Variants in REPS2 observed in about 807,000 individuals in gnomAD.
The protein encoded by REPS2 is RALBP1 associated Eps domain containing 2.
In REPS2, 23 loss-of-function variants were observed where a neutral mutation model predicts 53.6. The observed-to-expected ratio is 0.43, with a 90% confidence interval of 0.31 to 0.61. The LOEUF (loss-of-function observed/expected upper bound fraction) is 0.61, where lower values mean the gene tolerates loss of function less well. REPS2 is among the 20% of genes least tolerant of loss of function. The probability of loss-of-function intolerance (pLI) is 0.11; values close to 1 mark genes in which losing one functional copy is unlikely to be tolerated. For missense variants in REPS2, 446 were observed against 534.9 expected, an observed-to-expected ratio of 0.83 and a Z score of 1.64; for synonymous variants, 238 against 218.6, an observed-to-expected ratio of 1.09 and a Z score of -0.78.
At chrX:17,187,585 C>T in the REPS2 span, among the ~76,000 whole-genome samples, 2 of 112,225 alleles carry the variant, frequency 1.8e-5, no homozygotes, top group Non-Finnish European at 3.8e-5. Flanking sequence ...TGGACAGGCT[C>T]CAGAAATTAC....
At chrX:17,050,749 T>G (rs2061991114) in intron 6 of REPS2, among the ~76,000 whole-genome samples, 1 of 111,733 alleles carries the variant, frequency 8.9e-6, no homozygotes, top group Non-Finnish European at 1.9e-5. Flanking sequence ...GTGTATATAT[T>G]TATGGGGTAT....
intron 14 of REPS2, among the ~76,000 whole-genome samples, chrX:17,124,271 A>G (rs1603085484): frequency 8.9e-6 from 1 of 112,362 alleles, no homozygotes; most frequent in Admixed American, 9.4e-5. Context: ...TATTCCACAC[A>G]TTGATTAGAG....
chrX:17,159,793 C>T, the REPS2 span, among the ~76,000 whole-genome samples: 1 of 111,680 alleles, frequency 9.0e-6, no homozygotes, highest in Non-Finnish European at 1.9e-5. Flanking sequence ...CCTGTCCCAC[C>T]ACCAGCCCAC....
At position 16,954,050 on chromosome X, in the gene REPS2, C is replaced by G. The variant is rs976743825; in HGVS notation, c.273+6916C>G. The stretch of plus-strand genomic sequence containing the variant: ...CTCACTGTACCCTCAACCTCCTGGG[C>G]TCAAGCAATCTTCCTGCCTCAGGCT... On this transcript the variant is annotated intron_variant, in intron 1 of 17. Coordinates refer to ENST00000357277, the MANE Select transcript of REPS2 (RefSeq NM_004726.3). 2.7e-5 allele frequency among the ~76,000 whole-genome samples: 3 copies of G among 111,147 alleles called. No homozygotes were observed. In the Admixed American group the frequency reaches 2.9e-4, roughly 11 times the overall value.
chrX:16,977,643 G>T (rs2060971942), intron 1 of REPS2, among the ~76,000 whole-genome samples: 1 of 107,813 alleles, frequency 9.3e-6, no homozygotes, highest in African/African-American at 3.4e-5. Flanking sequence ...TTGAGCTTAG[G>T]CGATTGAGGC....
chrX:17,050,197 T>TCTTTCTTTCTTTCTTC (rs773752476), intron 6 of REPS2, among the ~76,000 whole-genome samples: 9 of 46,157 alleles, frequency 1.9e-4, no homozygotes, highest in Non-Finnish European at 3.0e-4. Flanking sequence ...TTTCTTTCTT[T>TCTTTCTTTCTTTCTTC]TTTTTTTTTT....
chrX:16,950,970 C>G (rs765061573), intron 1 of REPS2, among the ~76,000 whole-genome samples: 4 of 112,216 alleles, frequency 3.6e-5, no homozygotes, highest in Admixed American at 1.9e-4. Context: ...TGCTTGAGCC[C>G]AGGAGTTCAA....
chrX:17,065,696 C>T (rs759506498), intron 9 of REPS2, among the ~76,000 whole-genome samples: 2 of 111,734 alleles, frequency 1.8e-5, no homozygotes, highest in African/African-American at 6.5e-5. Flanking sequence ...AAGCAATTCT[C>T]CTGCCTCAGC....
chrX:17,013,815 C>T (rs1387642007), intron 2 of REPS2, among the ~76,000 whole-genome samples: 2 of 111,274 alleles, frequency 1.8e-5, no homozygotes, highest in African/African-American at 6.6e-5. Flanking sequence ...CCTTTACCCC[C>T]TCTCCCAGCC....
At chrX:17,160,395 T>C in the REPS2 span, among the ~76,000 whole-genome samples, 1 of 112,514 alleles carries the variant, frequency 8.9e-6, no homozygotes, top group Non-Finnish European at 1.9e-5. Context: ...AGGGGGTATT[T>C]AGAAAGCTTA....
chrX:16,982,427 C>G (rs574072011), intron 1 of REPS2, among the ~76,000 whole-genome samples: 1 of 112,099 alleles, frequency 8.9e-6, no homozygotes, highest in Admixed American at 9.5e-5. Flanking sequence ...CTTTTAGGAA[C>G]TGTTCACTTC....
the REPS2 span, among the ~76,000 whole-genome samples, chrX:17,174,218 T>G: frequency 9.0e-6 from 1 of 111,470 alleles, no homozygotes; most frequent in East Asian, 2.8e-4. Context: ...ACTAAGCAAA[T>G]TATTCTTCCT....
rs537054934 is a variant in REPS2, at chrX:17,029,040, G to A, written c.674-486G>A. Reference sequence around the variant, plus strand: ...ATATAAAATATATTTATTCATTTTCGTAGTCTTCTCTACATGATTTTACAT... The same window carrying A: ...ATATAAAATATATTTATTCATTTTCATAGTCTTCTCTACATGATTTTACAT... On this transcript the variant is annotated intron_variant, in intron 4 of 17. Transcript: ENST00000357277. Among the ~76,000 whole-genome samples the A allele has an allele frequency of 3.0e-4, 34 of 111,744 alleles. 1 individual carries two copies. In the South Asian group the frequency reaches 9.6e-3, roughly 32 times the overall value.
the REPS2 span, among the ~76,000 whole-genome samples, chrX:17,166,775 G>A: frequency 8.9e-6 from 1 of 111,840 alleles, no homozygotes; most frequent in African/African-American, 3.3e-5. Context: ...TGTGTGCTGG[G>A]TGCTTTCTCA....
chrX:16,954,238 G>A (rs1314949550), intron 1 of REPS2, among the ~76,000 whole-genome samples: 1 of 111,737 alleles, frequency 8.9e-6, no homozygotes, highest in African/African-American at 3.3e-5. Context: ...GGGATTACAG[G>A]TGTGAGCCAC....
At chrX:17,052,628 A>G (rs2062018737) in intron 7 of REPS2, among the ~76,000 whole-genome samples, 183 bp downstream of exon 7, 1 of 112,503 alleles carries the variant, frequency 8.9e-6, no homozygotes, top group Non-Finnish European at 1.9e-5. Context: ...TACAATGAAC[A>G]ATGTCTGGCA....
the REPS2 span, among the ~76,000 whole-genome samples, chrX:17,183,706 G>C: frequency 6.2e-5 from 7 of 112,054 alleles, no homozygotes; most frequent in African/African-American, 2.3e-4. Context: ...TGCAGCCAGA[G>C]GGAACTCTAA....
chrX:17,094,460 A>G (rs1234601425), intron 13 of REPS2, among the ~76,000 whole-genome samples: 2 of 111,987 alleles, frequency 1.8e-5, no homozygotes, highest in East Asian at 2.8e-4. Flanking sequence ...TGTCCTGGAT[A>G]TTCAGTGAGT....
In REPS2 at chrX:17,006,206, C is replaced by T; in HGVS notation, c.274-15C>T. 8.3e-7 allele frequency: 1 copy of T among 1,206,704 alleles called. No individual in the cohort carries two copies. The highest frequency in any genetic ancestry group is 1.1e-6 in the Non-Finnish European group (1 of 892,582). On this transcript the variant is annotated splice_polypyrimidine_tract_variant and intron_variant, in intron 1 of 17. Transcript: ENST00000357277. ...AAATTGGGTGTTCAGCATTGTTTTT[C>T]TTGTCTGTTCTCAGATCACAGAACT... is the stretch of plus-strand genomic sequence containing the variant.
Sources: gnomAD v4.1 joint callset for allele counts (sites outside exome capture counted in the v4.1 genomes callset) on GRCh38, gnomAD v4.1.1 for gene constraint, MANE v1.5 for transcripts, NCBI Gene and HGNC (gene_info 2026-07-23, HGNC 2026-07-21) for gene names.